The following PRRC2B variants were observed in gnomAD, a reference collection of about 807,000 sequenced individuals.
PRRC2B encodes the protein proline rich coiled-coil 2B, also known as protein PRRC2B.
In PRRC2B, 68 loss-of-function variants were observed where a neutral mutation model predicts 242.3. The ratio of observed to expected loss-of-function variants is 0.28; its 90% confidence interval spans 0.23 to 0.34. The LOEUF is 0.34. Ranked by LOEUF, PRRC2B falls within the 10% of genes least tolerant of loss-of-function variation. The pLI, the probability that PRRC2B is intolerant of heterozygous loss-of-function variation, is 1.00. For synonymous variants in PRRC2B, 1,228 were observed against 1,173.6 expected (o/e 1.05, Z -0.95); for missense variants, 2,835 against 2,954.8 (o/e 0.96, Z 0.94).
intron 4 of PRRC2B, among the ~76,000 whole-genome samples, chr9:131,438,016 G>A (rs1838429806): frequency 6.6e-6 from 1 of 152,188 alleles, no homozygotes; most frequent in Non-Finnish European, 1.5e-5. Context: ...CACTGGCACA[G>A]GGGTCACCTT....
intron 10 of PRRC2B, among the ~76,000 whole-genome samples, chr9:131,457,586 T>C (rs1211327798): frequency 6.6e-6 from 1 of 152,184 alleles, no homozygotes; most frequent in East Asian, 1.9e-4. Context: ...TCATACACAA[T>C]TGGCTCCCAA....
At chr9:131,480,095 C>G (rs985976877) in intron 19 of PRRC2B, among the ~76,000 whole-genome samples, 1 of 152,166 alleles carries the variant, frequency 6.6e-6, no homozygotes, top group East Asian at 1.9e-4. Flanking sequence ...TTTCACAGCT[C>G]AGGCCCATGA....
chr9:131,382,599 C>A (rs182203388), intron 1 of PRRC2B, among the ~76,000 whole-genome samples: 1 of 151,702 alleles, frequency 6.6e-6, no homozygotes, highest in Non-Finnish European at 1.5e-5. Flanking sequence ...GCTGCTGGTT[C>A]GTTCGGACCC....
At chr9:131,490,521 C>T (rs1263559689) in intron 28 of PRRC2B, 2 of 519,162 alleles carry the variant, frequency 3.9e-6, no homozygotes, top group Non-Finnish European at 7.7e-6. Context: ...CCTTCTGACC[C>T]TCCACTGTGG....
At chr9:131,481,329 A>AAAAG (rs1564299163) in intron 19 of PRRC2B, among the ~76,000 whole-genome samples, 2 of 151,054 alleles carry the variant, frequency 1.3e-5, no homozygotes, top group African/African-American at 4.9e-5. Flanking sequence ...AAAAAAAAAA[A>AAAAG]AAAGAAAGAT....
chr9:131,395,347 TTG>T (rs1332451262), intron 1 of PRRC2B, among the ~76,000 whole-genome samples: 2 of 152,136 alleles, frequency 1.3e-5, no homozygotes, highest in Non-Finnish European at 2.9e-5. Flanking sequence ...TTGTAACCAA[TTG>T]TGTGCGGTCT....
chr9:131,426,757 T>C (rs1325978409), intron 1 of PRRC2B, among the ~76,000 whole-genome samples: 1 of 152,200 alleles, frequency 6.6e-6, no homozygotes, highest in East Asian at 1.9e-4. Context: ...GGAAGCACTT[T>C]TGCTGGTATG....
Position 131,485,003 on chromosome 9 carries a change from C to T in PRRC2B, c.5621C>T (p.Ser1874Phe), listed in dbSNP as rs1943978188. ...TCCCCCAGTTTGCCGGAGCAGAGCTCTCCAGGCGGCGCTGGCTCAGGCATC... is the reference window on the plus strand; with the variant it reads ...TCCCCCAGTTTGCCGGAGCAGAGCTTTCCAGGCGGCGCTGGCTCAGGCATC... ...ENSPSLPEQS[S>F]PGGAGSGIQP... Residue 1874 changes from serine to phenylalanine, a missense_variant, in exon 25 of 32, where the codon TCT (serine) becomes TTT (phenylalanine). Physicochemically the swap from Ser to Phe is radical, Grantham distance 155 (BLOSUM62 -2). Around this residue, in one of 7 missense-constraint regions of PRRC2B, gnomAD observed 574 missense variants for 626.0 expected, o/e 0.92. Coordinates refer to ENST00000683519, the MANE Select transcript of PRRC2B (RefSeq NM_013318.4). 6.2e-7 allele frequency: 1 copy of T among 1,613,436 alleles called. No individual in the cohort carries two copies. The highest frequency in any genetic ancestry group is 8.5e-7 in the Non-Finnish European group (1 of 1,179,668).
At chr9:131,392,848 G>T (rs570112481), upstream of PRRC2B, among the ~76,000 whole-genome samples, 13 of 151,626 alleles carry the variant, frequency 8.6e-5, no homozygotes, top group South Asian at 2.5e-3. Flanking sequence ...AGGAGTTGGA[G>T]GTTGCAGTGA....
chr9:131,478,346 A>T, intron 17 of PRRC2B, 128 bp from the exon 18 acceptor site: 1 of 909,214 alleles, frequency 1.1e-6, no homozygotes, highest in Non-Finnish European at 1.7e-6. Flanking sequence ...GCGGCCTGAG[A>T]AAAGTGCGGA....
chr9:131,412,407 A>G (rs990654718), intron 1 of PRRC2B, among the ~76,000 whole-genome samples: 1 of 152,224 alleles, frequency 6.6e-6, no homozygotes, highest in Non-Finnish European at 1.5e-5. Flanking sequence ...GTAATTATCC[A>G]TGTGACAGAC....
intron 1 of PRRC2B, among the ~76,000 whole-genome samples, chr9:131,402,540 T>G (rs1018210262): frequency 6.6e-6 from 1 of 152,198 alleles, no homozygotes; most frequent in African/African-American, 2.4e-5. Flanking sequence ...ATGTATTGAA[T>G]GGTCCTTTCC....
chr9:131,437,639 A>G (rs1480807025), intron 4 of PRRC2B, among the ~76,000 whole-genome samples: 1 of 152,228 alleles, frequency 6.6e-6, no homozygotes, highest in Non-Finnish European at 1.5e-5. Flanking sequence ...CTCTGCTTTA[A>G]CCATACTCAG....
intron 11 of PRRC2B, among the ~76,000 whole-genome samples, chr9:131,460,932 C>T (rs935382443): frequency 5.9e-5 from 9 of 152,162 alleles, no homozygotes; most frequent in East Asian, 1.9e-4. Flanking sequence ...GCCTCCTCAG[C>T]GGACAGTTGC....
intron 1 of PRRC2B, among the ~76,000 whole-genome samples, chr9:131,425,023 A>G (rs1016911249): frequency 2.0e-5 from 3 of 152,006 alleles, no homozygotes; most frequent in East Asian, 1.9e-4. Flanking sequence ...CTGGAGTGCA[A>G]TGGCGCAATC....
chr9:131,427,870 G>C (rs1242151565), intron 1 of PRRC2B, among the ~76,000 whole-genome samples: 1 of 152,204 alleles, frequency 6.6e-6, no homozygotes, highest in African/African-American at 2.4e-5. Flanking sequence ...CTTTAGCTTT[G>C]TTTTCCAGTG....
At chr9:131,388,120 C>T (rs959925797) in intron 1 of PRRC2B, among the ~76,000 whole-genome samples, 4 of 147,332 alleles carry the variant, frequency 2.7e-5, no homozygotes, top group Non-Finnish European at 6.0e-5. Flanking sequence ...GGCGGGGGGC[C>T]GAGGTTGCAG....
intron 9 of PRRC2B, chr9:131,448,077 A>T: frequency 3.1e-6 from 1 of 319,080 alleles, no homozygotes; most frequent in Non-Finnish European, 5.7e-6. Context: ...TGCAAAATTT[A>T]AACAAAAAAG....
chr9:131,429,157 G>A (rs557619891), intron 1 of PRRC2B, among the ~76,000 whole-genome samples: 1 of 152,306 alleles, frequency 6.6e-6, no homozygotes, highest in African/African-American at 2.4e-5. Flanking sequence ...ATGCTGGCCA[G>A]GCAGGTCTCG....
Sources: gnomAD v4.1 joint callset for allele counts (sites outside exome capture counted in the v4.1 genomes callset) on GRCh38, gnomAD v4.1.1 for gene constraint, gnomAD v4.1.1 regional missense constraint, MANE v1.5 for transcripts, NCBI Gene and HGNC (gene_info 2026-07-23, HGNC 2026-07-21) for gene names.